The following NUDCD3 variants were observed in gnomAD, a reference collection of about 807,000 sequenced individuals.
NUDCD3 encodes the protein nudC domain-containing protein 3.
A neutral mutation model predicts 39.7 loss-of-function variants in NUDCD3; 13 were observed. The observed-to-expected ratio is 0.33, with a 90% CI of 0.21 to 0.52. The LOEUF (loss-of-function observed/expected upper bound fraction) is 0.52, where lower values mean the gene tolerates loss of function less well. NUDCD3 is among the 20% of genes least tolerant of loss of function. The pLI is 0.96. For synonymous variants in NUDCD3, 175 were observed against 172.4 expected, an observed-to-expected ratio of 1.02 and a Z score of -0.12; for missense variants, 453 against 458.1, an observed-to-expected ratio of 0.99 and a Z score of 0.10.
At chr7:44,478,930 T>G (rs1014012908) in intron 2 of NUDCD3, among the ~76,000 whole-genome samples, 3 of 152,142 alleles carry the variant, frequency 2.0e-5, no homozygotes. Context: ...TGGGGTAATT[T>G]ATAAAGAAAA....
In NUDCD3 at chr7:44,471,112, T is replaced by C. The variant is rs1280306373; in HGVS notation, c.509+13856A>G. Among the ~76,000 whole-genome samples the C allele has an allele frequency of 2.6e-5, 4 of 152,184 alleles. No individual in the cohort carries two copies. In the South Asian group the frequency reaches 8.3e-4, roughly 31 times the overall value. Reference sequence around the variant, plus strand: ...GTGACGACAAATGGTACCCAACAAGTAGATATGCAGTTGTCCCTTGGTATT... The same window carrying C: ...GTGACGACAAATGGTACCCAACAAGCAGATATGCAGTTGTCCCTTGGTATT... On this transcript the variant is annotated intron_variant, in intron 2 of 5. Transcript: ENST00000355451.
chr7:44,485,001 G>C lies in NUDCD3; in HGVS notation c.476C>G (p.Ala159Gly), dbSNP rs764146504. The C allele has an allele frequency of 1.2e-6, 2 of 1,613,858 alleles. No homozygotes were observed. Among genetic ancestry groups the C allele is most frequent in the South Asian group, 2.2e-5 (2 of 91,056 alleles). ...AATTGGTGGTTCCCTAGGGACTTCA[G>C]CAGCACCAGCAACTGCTCCTGGAGC... is the stretch of plus-strand genomic sequence containing the variant. ...AEAPGAVAGA[A>G]EVPREPPILP... is the part of the protein sequence containing the mutation. Residue 159 changes from alanine (A) to glycine (G), a missense_variant, in exon 2 of 6, where the codon GCT becomes GGT. Physicochemically the swap from Ala to Gly is moderately conservative, Grantham distance 60. Transcript: ENST00000355451.
In NUDCD3 at chr7:44,379,376, C is replaced by T. The variant is rs1048116875; in HGVS notation, c.*6635G>A. The stretch of plus-strand genomic sequence containing the variant: ...GACAGAGATGAGGCAGTTGGCGGGG[C>T]GGGGCGGGGTGGGGGGGAACAGGGG... On this transcript the variant is annotated 3_prime_UTR_variant, in exon 6 of 6. Coordinates refer to ENST00000355451, the MANE Select transcript of NUDCD3 (RefSeq NM_015332.4). The T allele has an allele frequency of 1.0e-3, 3 of 2,864 alleles. No individual in the cohort carries two copies. The highest frequency in any genetic ancestry group is 1.8e-3 in the African/African-American group (1 of 558). The allele number at this position is 2,864 out of a possible 1,614,324, so 0.2% of individuals were successfully genotyped here. A position where few individuals can be genotyped will look rare whatever the true frequency, so the allele number is the denominator to read the frequency against.
chr7:44,437,093 G>A (rs573955718), intron 2 of NUDCD3, among the ~76,000 whole-genome samples: 2 of 125,266 alleles, frequency 1.6e-5, no homozygotes, highest in Admixed American at 9.2e-5. Context: ...TTTTTGAGAC[G>A]GAGACTTGCT....
At chr7:44,427,817 A>G (rs751407147) in intron 2 of NUDCD3, 114 bp from the exon 3 acceptor site, 6 of 1,100,746 alleles carry the variant, frequency 5.5e-6, no homozygotes, top group Admixed American at 2.7e-5. Context: ...CTCAAGTTTC[A>G]TCTCAAGTTC....
At chr7:44,470,199 AAC>A (rs1179785263) in intron 2 of NUDCD3, among the ~76,000 whole-genome samples, 1 of 152,204 alleles carries the variant, frequency 6.6e-6, no homozygotes, top group African/African-American at 2.4e-5. Flanking sequence ...AACAGACATT[AAC>A]AGTTATATGA....
chr7:44,440,197 T>C (rs1260535027), intron 2 of NUDCD3, among the ~76,000 whole-genome samples: 1 of 152,222 alleles, frequency 6.6e-6, no homozygotes, highest in Admixed American at 6.5e-5. Context: ...ATAATTCATG[T>C]TAACATCATG....
In NUDCD3 at chr7:44,459,971, G is replaced by A. The variant is rs186253394; in HGVS notation, c.509+24997C>T. Among the ~76,000 whole-genome samples, 209 of 152,242 alleles carry A rather than the reference G, an allele frequency of 1.4e-3. 1 individual carries two copies. Among genetic ancestry groups the A allele is most frequent in the Middle Eastern group, 0.014 (4 of 294 alleles). Reference sequence around the variant, plus strand: ...ATACAAAACTTGATCAAGTCACAGTGGAATTCATTTTAAAGAAATCAAACA... The same window carrying A: ...ATACAAAACTTGATCAAGTCACAGTAGAATTCATTTTAAAGAAATCAAACA... On this transcript the variant is annotated intron_variant, in intron 2 of 5. Transcript: ENST00000355451.
At chr7:44,394,138 G>A (rs1365429354) in intron 4 of NUDCD3, among the ~76,000 whole-genome samples, 1 of 152,208 alleles carries the variant, frequency 6.6e-6, no homozygotes, top group Non-Finnish European at 1.5e-5. Context: ...CCAGAACTGG[G>A]AAGAGCAAGA....
intron 3 of NUDCD3, among the ~76,000 whole-genome samples, chr7:44,424,709 C>T (rs1177735200): frequency 1.3e-5 from 2 of 152,154 alleles, no homozygotes; most frequent in East Asian, 3.8e-4. Flanking sequence ...ATTAGTTCAA[C>T]CATTGTGGAA....
At position 44,384,586 on chromosome 7, in the gene NUDCD3, G is replaced by A. The variant is rs967520129; in HGVS notation, c.*1425C>T. 6.6e-6 allele frequency: 1 copy of A among 152,214 alleles called. No homozygotes were observed. Among genetic ancestry groups the A allele is most frequent in the African/African-American group, 2.4e-5 (1 of 41,444 alleles). The allele number at this position is 152,214 out of a possible 1,614,324, so 9.4% of individuals were successfully genotyped here. On this transcript the variant is annotated 3_prime_UTR_variant, in exon 6 of 6. Coordinates refer to ENST00000355451, the MANE Select transcript of NUDCD3 (RefSeq NM_015332.4). ...AACAAACCACAAACTTACTCTCCAA[G>A]AGAGCCCCCACAACCCAAGTATCCA...
Position 44,389,282 on chromosome 7 carries a change from G to A in NUDCD3, c.975+3015C>T, listed in dbSNP as rs147518312. ...AACTGACAGTGAGGATCCAGGTAGG[G>A]GTTTGAGGTCCAGAACTGCCTGGAA... On this transcript the variant is annotated intron_variant, in intron 5 of 5. Coordinates refer to ENST00000355451, the MANE Select transcript of NUDCD3 (RefSeq NM_015332.4). Among the ~76,000 whole-genome samples, 651 of 152,368 alleles carry A rather than the reference G, an allele frequency of 4.3e-3. 7 individuals are homozygous for A. The highest frequency in any genetic ancestry group is 0.015 in the African/African-American group (618 of 41,588).
chr7:44,462,587 C>T (rs10233273), intron 2 of NUDCD3, among the ~76,000 whole-genome samples: 32,352 of 152,168 alleles, frequency 0.21, 3,789 homozygotes, highest in African/African-American at 0.26. Context: ...ACTTGATCAG[C>T]AGCTCTCAAA....
At chr7:44,405,281 G>A (rs1349665646) in intron 3 of NUDCD3, among the ~76,000 whole-genome samples, 1 of 152,262 alleles carries the variant, frequency 6.6e-6, no homozygotes, top group African/African-American at 2.4e-5. Flanking sequence ...CCTAGGCAGA[G>A]ACTGGCCCCA....
At chr7:44,450,654 AT>A (rs1414879335) in intron 2 of NUDCD3, among the ~76,000 whole-genome samples, 19 of 152,142 alleles carry the variant, frequency 1.2e-4, no homozygotes, top group African/African-American at 4.3e-4. Context: ...AAAAAAAAAA[AT>A]AAAACACTAA....
intron 5 of NUDCD3, 150 bp from the exon 6 acceptor site, chr7:44,386,271 T>C: frequency 1.3e-6 from 1 of 790,732 alleles, no homozygotes; most frequent in Non-Finnish European, 2.0e-6. Flanking sequence ...AGAACTGTAC[T>C]ACCCTGGAGC....
intron 2 of NUDCD3, among the ~76,000 whole-genome samples, chr7:44,471,273 T>C (rs1800251652): frequency 6.6e-6 from 1 of 152,288 alleles, no homozygotes; most frequent in African/African-American, 2.4e-5. Context: ...TTTAGCTTTA[T>C]AATAGTTAAT....
chr7:44,404,946 T>C (rs1020039750), intron 3 of NUDCD3, among the ~76,000 whole-genome samples: 2 of 152,170 alleles, frequency 1.3e-5, no homozygotes, highest in Non-Finnish European at 2.9e-5. Flanking sequence ...TGCCTCCCCT[T>C]GTGGCTACCT....
chr7:44,464,160 G>A (rs1563184986), intron 2 of NUDCD3, among the ~76,000 whole-genome samples: 1 of 149,954 alleles, frequency 6.7e-6, no homozygotes, highest in Non-Finnish European at 1.5e-5. Flanking sequence ...GTTGCAGTGA[G>A]CCAAGATCAT....
Sources: allele counts gnomAD v4.1 joint callset (sites outside exome capture counted in the v4.1 genomes callset), GRCh38; gene constraint gnomAD v4.1.1; transcripts MANE v1.5; gene names NCBI Gene and HGNC (gene_info 2026-07-23, HGNC 2026-07-21).